Variants in CDC27 observed in about 807,000 individuals in gnomAD.
CDC27 encodes cell division cycle 27, also known as cell division cycle protein 27 homolog.
Under a neutral mutation model 109.7 loss-of-function variants are expected in CDC27, and 27 were observed. The ratio of observed to expected loss-of-function variants is 0.25; its 90% CI spans 0.18 to 0.34. The LOEUF (loss-of-function observed/expected upper bound fraction) is 0.34. Among genes scored for constraint, CDC27 ranks in the 10% least tolerant of loss-of-function variants. The probability of loss-of-function intolerance (pLI) is 1.00; values close to 1 mark genes in which losing one functional copy is unlikely to be tolerated. For missense variants in CDC27, 579 were observed against 960.2 expected (o/e 0.60, Z 5.25); for synonymous variants, 266 against 333.9 (o/e 0.80, Z 2.22).
At chr17:47,166,965 G>A (rs1394058311) in intron 4 of CDC27, among the ~76,000 whole-genome samples, 1 of 152,008 alleles carries the variant, frequency 6.6e-6, no homozygotes, top group Non-Finnish European at 1.5e-5. Context: ...AGCAATTCTC[G>A]TGCCTCAGAC....
rs1030050649 is a variant in CDC27, at chr17:47,118,248, AGTTTTT to A, written c.*2681_*2686del. ...ATAGACTAAATACTGGTTATCACTG[AGTTTTT>A]GTTTAAGGTACAACAGCAGCATGGT... is the stretch of plus-strand genomic sequence containing the variant. On this transcript the variant is annotated 3_prime_UTR_variant, in exon 19 of 19. Transcript: ENST00000066544. 1 of 152,274 alleles carries A rather than the reference AGTTTTT, an allele frequency of 6.6e-6. No individual in the cohort carries two copies. The highest frequency in any genetic ancestry group is 2.4e-5 in the African/African-American group (1 of 41,454). The allele number at this position is 152,274 out of a possible 1,614,324, so 9.4% of individuals were successfully genotyped here.
At chr17:47,138,591 CCTCT>C in intron 13 of CDC27, 144 bp downstream of exon 13, 1 of 555,342 alleles carries the variant, frequency 1.8e-6, no homozygotes, top group South Asian at 2.5e-5. Flanking sequence ...ACTTTCTCTT[CCTCT>C]CTGAGTCCCT....
chr17:47,178,674 T>C (rs577422321), intron 2 of CDC27, among the ~76,000 whole-genome samples: 3 of 152,304 alleles, frequency 2.0e-5, no homozygotes, highest in Admixed American at 6.5e-5. Context: ...TTACTGTATT[T>C]AGTCCTTAAA....
Position 47,151,895 on chromosome 17 carries a change from A to G in CDC27, c.981T>C (p.Thr327=), listed in dbSNP as rs111414808. ...SKKSVARIGQ[T]GTKSVFSQSG... ...TCTGTGAGAAGACAGACTTTGTTCC[A>G]GTTTGGCCGATTCTGGCAACAGACT... The change falls in exon 9 of 19, where the codon ACT becomes ACC. Residue 327 remains threonine, a synonymous_variant. Transcript: ENST00000066544. 26 of 1,606,660 alleles carry G rather than the reference A, an allele frequency of 1.6e-5. No individual in the cohort carries two copies. The South Asian group carries it at 1.7e-4, about 10-fold the overall frequency.
At chr17:47,129,543 T>C (rs772475829) in intron 15 of CDC27, 22 bp from the exon 16 acceptor site, 23 of 1,551,568 alleles carry the variant, frequency 1.5e-5, no homozygotes, top group Non-Finnish European at 2.0e-5. Flanking sequence ...AAAGATCATG[T>C]TAATACTCCC....
intron 4 of CDC27, among the ~76,000 whole-genome samples, chr17:47,167,546 T>C (rs1036137309): frequency 1.3e-5 from 2 of 152,214 alleles, no homozygotes; most frequent in Non-Finnish European, 2.9e-5. Flanking sequence ...GACTAATTAT[T>C]CTCTCATTTG....
At chr17:47,143,178 G>A (rs1243903409) in intron 10 of CDC27, among the ~76,000 whole-genome samples, 1 of 151,598 alleles carries the variant, frequency 6.6e-6, no homozygotes, top group African/African-American at 2.4e-5. Flanking sequence ...TGACCAGGCT[G>A]GTCTCAAACT....
intron 14 of CDC27, among the ~76,000 whole-genome samples, chr17:47,136,548 T>C (rs562234064): frequency 6.6e-6 from 1 of 152,286 alleles, no homozygotes; most frequent in Non-Finnish European, 1.5e-5. Flanking sequence ...AGTATGGTGT[T>C]GAGGCAGAAA....
chr17:47,132,500 A>G (rs975370074), intron 14 of CDC27, 126 bp from the exon 15 acceptor site: 2 of 411,690 alleles, frequency 4.9e-6, no homozygotes, highest in Non-Finnish European at 8.6e-6. Context: ...TGGTGGTCTT[A>G]GAGGAGAGGC....
intron 14 of CDC27, among the ~76,000 whole-genome samples, chr17:47,136,502 A>G (rs2062598187): frequency 6.6e-6 from 1 of 152,198 alleles, no homozygotes; most frequent in African/African-American, 2.4e-5. Context: ...TAAACTATTA[A>G]GTCAGTCCAG....
In CDC27 at chr17:47,144,871, T is replaced by TCACACACACACACACACA. The variant is rs35160918; in HGVS notation, c.1071-907_1071-890dup. 7.3e-3 allele frequency among the ~76,000 whole-genome samples: 1,100 copies of TCACACACACACACACACA among 149,968 alleles called. 3 individuals are homozygous for TCACACACACACACACACA. The highest frequency in any genetic ancestry group is 9.7e-3 in the Non-Finnish European group (655 of 67,322). On this transcript the variant is annotated intron_variant, in intron 9 of 18. Coordinates refer to ENST00000066544, the MANE Select transcript of CDC27 (RefSeq NM_001256.6). ...CTCTGTATATGCATGTGTGTGTATA[T>TCACACACACACACACACA]CACACACACACACACACACACATAA...
intron 14 of CDC27, among the ~76,000 whole-genome samples, chr17:47,136,700 G>T (rs183708682): frequency 2.0e-4 from 30 of 152,296 alleles, no homozygotes; most frequent in Non-Finnish European, 3.8e-4. Context: ...GTTCTTAATA[G>T]TAACTCAATA....
intron 9 of CDC27, among the ~76,000 whole-genome samples, chr17:47,148,646 A>G (rs2063053303): frequency 6.6e-6 from 1 of 152,270 alleles, no homozygotes; most frequent in African/African-American, 2.4e-5. Flanking sequence ...AAAATCAGCA[A>G]TTAAAAACAA....
chr17:47,137,945 T>A (rs1371301018), intron 13 of CDC27, among the ~76,000 whole-genome samples: 2 of 151,990 alleles, frequency 1.3e-5, no homozygotes, highest in African/African-American at 4.8e-5. Context: ...GGACCACAGA[T>A]GCCAGCCACC....
At chr17:47,175,068 A>G (rs1202008680) in intron 2 of CDC27, among the ~76,000 whole-genome samples, 100 of 128,546 alleles carry the variant, frequency 7.8e-4, no homozygotes, top group Non-Finnish European at 1.5e-4. Context: ...GAAGGAAGGA[A>G]GGAAGGAAGG....
Position 47,122,459 on chromosome 17 carries a change from G to C in CDC27, c.2377C>G (p.Gln793Glu), listed in dbSNP as rs768608998. Residue 793 changes from glutamine (Q) to glutamate (E), a missense_variant, in exon 18 of 19, where the codon CAA (glutamine) becomes GAA (glutamate). Gln to Glu is a conservative substitution (Grantham distance 29). Coordinates refer to ENST00000066544, the MANE Select transcript of CDC27 (RefSeq NM_001256.6). ...YLPDDEEPIT[Q>E]EEQIMGTDES... Reference sequence around the variant, plus strand: ...TGATACTTACTGATCTGTTCTTCTTGGGTTATTGGCTCCTCATCATCTGGA... The same window carrying C: ...TGATACTTACTGATCTGTTCTTCTTCGGTTATTGGCTCCTCATCATCTGGA... 3 of 1,601,880 alleles carry C rather than the reference G, an allele frequency of 1.9e-6. No homozygotes were observed. Among genetic ancestry groups the C allele is most frequent in the South Asian group, 1.1e-5 (1 of 88,894 alleles).
intron 4 of CDC27, among the ~76,000 whole-genome samples, chr17:47,164,513 A>G (rs1387720633): frequency 6.6e-6 from 1 of 152,222 alleles, no homozygotes; most frequent in Non-Finnish European, 1.5e-5. Flanking sequence ...GGAAATTGAC[A>G]TTAGTACAAA....
At position 47,122,567 on chromosome 17, in the gene CDC27, G is replaced by A; in HGVS notation, c.2269C>T (p.Leu757=). 6.2e-7 allele frequency: 1 copy of A among 1,605,898 alleles called. No individual in the cohort carries two copies. ...YKKLGQTHLA[L]MNFSWAMDLD... is the part of the protein sequence containing the mutation. The stretch of plus-strand genomic sequence containing the variant: ...TCCATAGCCCAAGAGAAATTCATCA[G>A]GGCGAGGTGCGTTTGACCTAACTTC... Residue 757 remains leucine (L), a synonymous_variant, in exon 18 of 19, where the codon CTG becomes TTG. Coordinates refer to ENST00000066544, the MANE Select transcript of CDC27 (RefSeq NM_001256.6).
At position 47,120,716 on chromosome 17, in the gene CDC27, G is replaced by A; in HGVS notation, c.*219C>T. 2.3e-6 allele frequency: 1 copy of A among 431,396 alleles called. No individual in the cohort carries two copies. Among genetic ancestry groups the A allele is most frequent in the Non-Finnish European group, 4.1e-6 (1 of 241,936 alleles). 26.7% of individuals were successfully genotyped at this position (431,396 alleles called of 1,614,324 possible). On this transcript the variant is annotated 3_prime_UTR_variant, in exon 19 of 19. Coordinates refer to ENST00000066544, the MANE Select transcript of CDC27 (RefSeq NM_001256.6). ...TTCCCCACCCTACCCCCCATAAATT[G>A]TCATTCATACTGGTAAAAGAGCCAG...
Sources: allele counts gnomAD v4.1 joint callset (sites outside exome capture counted in the v4.1 genomes callset), GRCh38; gene constraint gnomAD v4.1.1; transcripts MANE v1.5; gene names NCBI Gene and HGNC (gene_info 2026-07-23, HGNC 2026-07-21).